Variants in TMEM242 observed in about 807,000 individuals in gnomAD.
TMEM242 encodes the protein transmembrane protein 242.
TMEM242 carries 10 observed loss-of-function variants against 18.2 expected under a neutral mutation model. The observed-to-expected ratio is 0.55, with a 90% CI of 0.34 to 0.93. TMEM242 has a LOEUF of 0.93. Ranked by LOEUF, TMEM242 falls within the 40% of genes least tolerant of loss-of-function variation. The pLI, the probability that TMEM242 is intolerant of heterozygous loss-of-function variation, is 0.02. For missense variants in TMEM242, 186 were observed against 175.5 expected (o/e 1.06, Z -0.34); for synonymous variants, 57 against 69.9 (o/e 0.81, Z 0.92).
At chr6:157,319,178 T>C (rs1778456443) in intron 2 of TMEM242, among the ~76,000 whole-genome samples, 1 of 152,208 alleles carries the variant, frequency 6.6e-6, no homozygotes, top group Non-Finnish European at 1.5e-5. Context: ...CTATCCCCCA[T>C]TCATTGGCAT....
intron 3 of TMEM242, among the ~76,000 whole-genome samples, chr6:157,307,758 A>G (rs1362371439): frequency 6.6e-6 from 1 of 152,194 alleles, no homozygotes; most frequent in Non-Finnish European, 1.5e-5. Context: ...CCAGTCCTCA[A>G]GCTGTTTGAA....
intron 3 of TMEM242, among the ~76,000 whole-genome samples, chr6:157,310,510 A>ACCCGGCCTCATCATAGTGCCCCAGTGTG (rs1777995397): frequency 4.0e-4 from 3 of 7,584 alleles, no homozygotes; most frequent in Middle Eastern, 0.05. Context: ...GTCCCAGTGT[A>ACCCGGCCTCATCATAGTGCCCCAGTGTG]CACTCACCTG....
chr6:157,322,580 G>A, intron 2 of TMEM242, 125 bp downstream of exon 2: 1 of 692,928 alleles, frequency 1.4e-6, no homozygotes, highest in Non-Finnish European at 2.4e-6. Flanking sequence ...TAGAATCCAT[G>A]AGCGTATATA....
chr6:157,312,645 CGGCCTCATCATAGTGCCCCAGGGTGCA>C (rs1778205802), intron 3 of TMEM242, among the ~76,000 whole-genome samples: 2 of 3,568 alleles, frequency 5.6e-4, no homozygotes, highest in Admixed American at 3.3e-3. Context: ...TGCACTCACC[CGGCCTCATCATAGTGCCCCAGGGTGCA>C]CTCACCTAGC....
chr6:157,312,222 G>C (rs201361570), intron 3 of TMEM242, among the ~76,000 whole-genome samples: 1 of 139,226 alleles, frequency 7.2e-6, no homozygotes, highest in Non-Finnish European at 1.6e-5. Context: ...CGTCATCATA[G>C]TGCCCCAGTG....
intron 3 of TMEM242, among the ~76,000 whole-genome samples, chr6:157,296,467 A>G (rs1777750829): frequency 6.6e-6 from 1 of 152,166 alleles, no homozygotes; most frequent in Non-Finnish European, 1.5e-5. Context: ...CAGTTGGATC[A>G]CTTGAGGCCA....
intron 3 of TMEM242, among the ~76,000 whole-genome samples, chr6:157,313,447 G>C (rs1554249773): frequency 1.4e-5 from 2 of 142,942 alleles, no homozygotes; most frequent in Non-Finnish European, 1.5e-5. Flanking sequence ...TAGTGCCCCA[G>C]TCTGCGCTCA....
intron 3 of TMEM242, among the ~76,000 whole-genome samples, chr6:157,306,767 G>A (rs765457072): frequency 3.3e-5 from 5 of 152,210 alleles, no homozygotes; most frequent in South Asian, 2.1e-4. Flanking sequence ...AACTGGAATC[G>A]AGAAAACTCA....
At chr6:157,311,134 G>T (rs199856618) in intron 3 of TMEM242, among the ~76,000 whole-genome samples, 2 of 9,810 alleles carry the variant, frequency 2.0e-4, no homozygotes, top group South Asian at 5.7e-3. Flanking sequence ...CCCCATCATA[G>T]TGTCCCAGTG....
intron 1 of TMEM242, 24 bp from the exon 2 acceptor site, chr6:157,322,829 G>T (rs1778517308): frequency 1.9e-6 from 3 of 1,583,074 alleles, no homozygotes; most frequent in Non-Finnish European, 2.6e-6. Flanking sequence ...CGGGGAGGAG[G>T]GGGGATATTA....
At position 157,316,716 on chromosome 6, in the gene TMEM242, A is replaced by G. The variant is rs934495302; in HGVS notation, c.327+2066T>C. On this transcript the variant is annotated intron_variant, in intron 3 of 3. Coordinates refer to ENST00000400788, the MANE Select transcript of TMEM242 (RefSeq NM_018452.6). ...ATAATGAGACCTCATCTCTACAAAA[A>G]ATAAAAAAAATGAGCCAGGCATAGT... 3.3e-5 allele frequency among the ~76,000 whole-genome samples: 5 copies of G among 152,146 alleles called. No individual in the cohort carries two copies. In the East Asian group the frequency reaches 9.6e-4, roughly 29 times the overall value.
chr6:157,293,033 T>G, intron 3 of TMEM242, 34 bp from the exon 4 acceptor site: 1 of 1,546,502 alleles, frequency 6.5e-7, no homozygotes, highest in Admixed American at 1.7e-5. Flanking sequence ...TATCAAATGT[T>G]AAAAGAAGGA....
chr6:157,293,070 T>A, intron 3 of TMEM242, 71 bp from the exon 4 acceptor site: 4 of 1,129,954 alleles, frequency 3.5e-6, no homozygotes, highest in Non-Finnish European at 5.3e-6. Flanking sequence ...AGATGGCACC[T>A]TTGCTGACTG....
intron 3 of TMEM242, chr6:157,318,054 C>G (rs1167542822): frequency 6.6e-6 from 1 of 152,152 alleles, no homozygotes; most frequent in Non-Finnish European, 1.5e-5. Flanking sequence ...AACACAGACA[C>G]AGACACACAA....
At chr6:157,299,178 C>G in intron 3 of TMEM242, 1 of 574,054 alleles carries the variant, frequency 1.7e-6, no homozygotes, top group South Asian at 1.5e-5. Context: ...TCCACAGAGA[C>G]CCCTAATGAT....
At chr6:157,311,545 T>TGAGCACTCACCTAGCCTCAGCATAGTGC (rs1562383261) in intron 3 of TMEM242, among the ~76,000 whole-genome samples, 86 of 13,008 alleles carry the variant, frequency 6.6e-3, no homozygotes, top group South Asian at 8.6e-3. Flanking sequence ...CATCATAGTG[T>TGAGCACTCACCTAGCCTCAGCATAGTGC]CCCAGTGTGC....
chr6:157,297,931 C>T (rs1554247261), intron 3 of TMEM242, among the ~76,000 whole-genome samples: 2 of 152,124 alleles, frequency 1.3e-5, no homozygotes, highest in African/African-American at 2.4e-5. Context: ...TTACTTTCTC[C>T]CCAACTTTCA....
intron 3 of TMEM242, among the ~76,000 whole-genome samples, chr6:157,306,954 A>G (rs1349538273): frequency 6.6e-6 from 1 of 152,230 alleles, no homozygotes; most frequent in Non-Finnish European, 1.5e-5. Flanking sequence ...ATTGTTAGAA[A>G]CATTTCAGGT....
At chr6:157,294,512 G>A (rs1006683615) in intron 3 of TMEM242, among the ~76,000 whole-genome samples, 18 of 151,304 alleles carry the variant, frequency 1.2e-4, no homozygotes, top group Non-Finnish European at 2.7e-4. Flanking sequence ...CACTACGCCC[G>A]GCTAATTTTT....
Sources: gnomAD v4.1 joint callset for allele counts (sites outside exome capture counted in the v4.1 genomes callset) on GRCh38, gnomAD v4.1.1 for gene constraint, MANE v1.5 for transcripts, NCBI Gene and HGNC (gene_info 2026-07-23, HGNC 2026-07-21) for gene names.